NEGR1: variants seen among roughly 807,000 people sequenced by gnomAD.
NEGR1 encodes neuronal growth regulator 1, also known as IgLON family member 4.
NEGR1 carries 10 observed loss-of-function variants against 40.9 expected under a neutral mutation model. That is an observed-to-expected ratio of 0.24 (90% CI 0.15 to 0.42). The LOEUF (loss-of-function observed/expected upper bound fraction) is 0.42, where lower values mean the gene tolerates loss of function less well. Among genes scored for constraint, NEGR1 ranks in the 10% least tolerant of loss-of-function variants. NEGR1 has a pLI of 1.00. For missense variants in NEGR1, 352 were observed against 438.9 expected (o/e 0.80, Z 1.77); for synonymous variants, 185 against 166.8 (o/e 1.11, Z -0.84).
At chr1:71,976,308 G>A (rs1463113090) in intron 1 of NEGR1, among the ~76,000 whole-genome samples, 1 of 152,084 alleles carries the variant, frequency 6.6e-6, no homozygotes, top group African/African-American at 2.4e-5. Context: ...GAAGCAATGC[G>A]GATCCCATCA....
intron 1 of NEGR1, among the ~76,000 whole-genome samples, chr1:72,080,454 A>C (rs535255891): frequency 6.6e-6 from 1 of 152,198 alleles, no homozygotes; most frequent in African/African-American, 2.4e-5. Context: ...TTTTCTAGGT[A>C]CTATGAATAT....
chr1:71,695,727 T>G (rs1433754174), intron 4 of NEGR1, among the ~76,000 whole-genome samples: 1 of 151,796 alleles, frequency 6.6e-6, no homozygotes, highest in East Asian at 1.9e-4. Flanking sequence ...CTGCACACTT[T>G]GTAAGCAGAG....
At chr1:71,966,630 T>C (rs914759874) in intron 1 of NEGR1, among the ~76,000 whole-genome samples, 7 of 152,284 alleles carry the variant, frequency 4.6e-5, no homozygotes, top group Admixed American at 2.6e-4. Flanking sequence ...AAGAATCAAA[T>C]GGTATTTTAA....
chr1:71,942,485 T>TATATATATATATATA (rs61271690), intron 1 of NEGR1, among the ~76,000 whole-genome samples: 1 of 5,008 alleles, frequency 2.0e-4, no homozygotes, highest in Non-Finnish European at 3.3e-4. Context: ...ATATATATAT[T>TATATATATATATATA]TTTTTTTTTT....
At chr1:72,191,373 T>C (rs1424129862) in intron 1 of NEGR1, among the ~76,000 whole-genome samples, 1 of 151,722 alleles carries the variant, frequency 6.6e-6, no homozygotes, top group African/African-American at 2.4e-5. Flanking sequence ...TATGAGGCAA[T>C]ACCTGATAGT....
At chr1:72,244,240 A>G (rs926712418) in intron 1 of NEGR1, among the ~76,000 whole-genome samples, 1 of 151,832 alleles carries the variant, frequency 6.6e-6, no homozygotes, top group African/African-American at 2.4e-5. Flanking sequence ...TGTAAGATAT[A>G]CACCTTTTGG....
rs542284098 is a variant in NEGR1 at position 71,434,091 on chromosome 1, AT to A, written c.941-26522del. Among the ~76,000 whole-genome samples, 336 of 151,582 alleles carry A rather than the reference AT, an allele frequency of 2.2e-3. 1 individual carries two copies. The highest frequency in any genetic ancestry group is 7.8e-3 in the African/African-American group (321 of 41,364). ...ATTATGTGGGTCCACTTATACATAG[AT>A]TTTTTTTTCAATAAATATATTGAGA... is the stretch of plus-strand genomic sequence containing the variant. On this transcript the variant is annotated intron_variant, in intron 6 of 6. Coordinates refer to ENST00000357731, the MANE Select transcript of NEGR1 (RefSeq NM_173808.3).
At chr1:71,817,683 G>T (rs1658275661) in intron 2 of NEGR1, among the ~76,000 whole-genome samples, 1 of 152,020 alleles carries the variant, frequency 6.6e-6, no homozygotes, top group Admixed American at 6.6e-5. Context: ...GCATCCAAAG[G>T]AAATTTTCAC....
intron 1 of NEGR1, among the ~76,000 whole-genome samples, chr1:72,014,502 A>G (rs1473658795): frequency 2.0e-5 from 3 of 152,028 alleles, no homozygotes; most frequent in Non-Finnish European, 2.9e-5. Flanking sequence ...TTTTACTACT[A>G]ATTTCACTTT....
At chr1:71,713,270 C>T (rs560907317) in intron 3 of NEGR1, among the ~76,000 whole-genome samples, 98 of 152,228 alleles carry the variant, frequency 6.4e-4, no homozygotes, top group African/African-American at 2.1e-3. Flanking sequence ...TGATGACCTA[C>T]GGGAAAATTA....
chr1:71,711,877 T>G (rs549530967), intron 3 of NEGR1, among the ~76,000 whole-genome samples: 6 of 152,310 alleles, frequency 3.9e-5, no homozygotes, highest in Admixed American at 3.3e-4. Context: ...AATACATATT[T>G]AAAATTATTT....
At chr1:72,093,415 C>T (rs1324497343) in intron 1 of NEGR1, among the ~76,000 whole-genome samples, 3 of 151,324 alleles carry the variant, frequency 2.0e-5, no homozygotes, top group Non-Finnish European at 4.4e-5. Flanking sequence ...TACAAATATT[C>T]TCTCAAAAAA....
At chr1:72,013,100 A>C (rs1226992497) in intron 1 of NEGR1, among the ~76,000 whole-genome samples, 1 of 151,870 alleles carries the variant, frequency 6.6e-6, no homozygotes, top group Non-Finnish European at 1.5e-5. Flanking sequence ...GGAGATGGGG[A>C]ATATAGACAA....
chr1:71,512,313 C>G (rs938154877), intron 6 of NEGR1, among the ~76,000 whole-genome samples: 1 of 151,910 alleles, frequency 6.6e-6, no homozygotes, highest in African/African-American at 2.4e-5. Flanking sequence ...TAACATAATG[C>G]TTTACTAAAC....
intron 1 of NEGR1, among the ~76,000 whole-genome samples, chr1:72,110,221 T>TAAAAAAAAAAAAAAAA (rs57618301): frequency 2.8e-5 from 3 of 106,984 alleles, no homozygotes; most frequent in African/African-American, 1.0e-4. Context: ...TAGAGTATAA[T>TAAAAAAAAAAAAAAAA]AAAAAAAAAA....
At chr1:71,755,427 G>A (rs908770724) in intron 3 of NEGR1, among the ~76,000 whole-genome samples, 10 of 152,126 alleles carry the variant, frequency 6.6e-5, no homozygotes, top group Non-Finnish European at 1.0e-4. Context: ...CATCATTTAC[G>A]TGCTCCAAAA....
chr1:72,238,498 T>A (rs921599003), intron 1 of NEGR1, among the ~76,000 whole-genome samples: 3 of 151,676 alleles, frequency 2.0e-5, no homozygotes, highest in Non-Finnish European at 4.4e-5. Context: ...GGCCATTAGG[T>A]TTCAGGGACC....
At chr1:71,525,061 T>A (rs1281900623) in intron 6 of NEGR1, among the ~76,000 whole-genome samples, 1 of 151,806 alleles carries the variant, frequency 6.6e-6, no homozygotes, top group Non-Finnish European at 1.5e-5. Context: ...TATGTTGTTT[T>A]AAGCCACCAT....
chr1:71,688,384 G>GATATAAAAGAGATATATATGAT (rs71070894), intron 4 of NEGR1, among the ~76,000 whole-genome samples: 1 of 31,722 alleles, frequency 3.2e-5, no homozygotes, highest in African/African-American at 1.2e-4. Flanking sequence ...ATACATAAAA[G>GATATAAAAGAGATATATATGAT]ATATATAAAA....
Sources: allele counts gnomAD v4.1 joint callset (sites outside exome capture counted in the v4.1 genomes callset), GRCh38; gene constraint gnomAD v4.1.1; transcripts MANE v1.5; gene names NCBI Gene and HGNC (gene_info 2026-07-23, HGNC 2026-07-21).